Variants in LYPD6B observed in about 807,000 individuals in gnomAD.
The protein encoded by LYPD6B is ly6/PLAUR domain-containing protein 6B.
Under a neutral mutation model 22.8 loss-of-function variants are expected in LYPD6B, and 17 were observed. The ratio of observed to expected loss-of-function variants is 0.75; its 90% CI spans 0.51 to 1.12. The LOEUF is 1.12. Among genes scored for constraint, LYPD6B ranks in the 50% most tolerant of loss-of-function variants. The pLI, the probability that LYPD6B is intolerant of heterozygous loss-of-function variation, is 0.00. For synonymous variants in LYPD6B, 106 were observed against 91.6 expected, an observed-to-expected ratio of 1.16 and a Z score of -0.90; for missense variants, 221 against 258.3, an observed-to-expected ratio of 0.86 and a Z score of 0.99.
rs146178795 is a variant in LYPD6B, at chr2:149,092,666, C to A, written c.-66-38217C>A. On this transcript the variant is annotated intron_variant, in intron 1 of 6. Coordinates refer to ENST00000409642, the MANE Select transcript of LYPD6B (RefSeq NM_177964.5). Reference sequence around the variant, plus strand: ...AAGTGGATGTGGCACATGCACCTGACACAAAGCCTCCTTAAAGAGAGAAAA... The same window carrying A: ...AAGTGGATGTGGCACATGCACCTGAAACAAAGCCTCCTTAAAGAGAGAAAA... Among the ~76,000 whole-genome samples the A allele has an allele frequency of 3.6e-3, 553 of 152,308 alleles. 2 individuals are homozygous for A. The highest frequency in any genetic ancestry group is 0.01 in the African/African-American group (419 of 41,580).
intron 3 of LYPD6B, among the ~76,000 whole-genome samples, chr2:149,171,571 G>C (rs1008029489): frequency 1.4e-5 from 2 of 146,980 alleles, no homozygotes; most frequent in African/African-American, 5.0e-5. Flanking sequence ...TTTTCTTGTT[G>C]TTACTTTATA....
chr2:149,046,881 T>A (rs1393818041), intron 1 of LYPD6B, among the ~76,000 whole-genome samples: 9 of 152,218 alleles, frequency 5.9e-5, no homozygotes, highest in Non-Finnish European at 1.5e-5. Context: ...CAACAAACTT[T>A]TTCTGTAAAA....
intron 3 of LYPD6B, among the ~76,000 whole-genome samples, chr2:149,195,368 A>G (rs1215400387): frequency 6.6e-6 from 1 of 152,234 alleles, no homozygotes; most frequent in Non-Finnish European, 1.5e-5. Context: ...CAGAATGGGA[A>G]GTATGACACA....
chr2:149,148,441 C>G (rs406523), intron 2 of LYPD6B, among the ~76,000 whole-genome samples: 98,821 of 152,044 alleles, frequency 0.65, 32,286 homozygotes, highest in South Asian at 0.76. Flanking sequence ...CTTAGAAGAT[C>G]ATAAAATGCT....
At chr2:149,123,752 C>T (rs1435001670) in intron 1 of LYPD6B, among the ~76,000 whole-genome samples, 2 of 152,066 alleles carry the variant, frequency 1.3e-5, no homozygotes, top group African/African-American at 2.4e-5. Flanking sequence ...GCTACTCACT[C>T]GGGAGGCTGA....
intron 1 of LYPD6B, among the ~76,000 whole-genome samples, chr2:149,069,722 C>T (rs548282021): frequency 6.6e-6 from 1 of 152,246 alleles, no homozygotes; most frequent in South Asian, 2.1e-4. Flanking sequence ...TTTTAGCCAG[C>T]ATGACATCTT....
chr2:149,120,630 G>T (rs1405596580), intron 1 of LYPD6B, among the ~76,000 whole-genome samples: 4 of 149,560 alleles, frequency 2.7e-5, no homozygotes, highest in Middle Eastern at 3.5e-3. Context: ...TGATCCGCCC[G>T]CCTCAGCCTC....
At position 149,213,043 on chromosome 2, in the gene LYPD6B, C is replaced by T; in HGVS notation, c.380C>T (p.Thr127Ile). ...CACTTCACCAGCCACGGAAGAAGCA[C>T]ATCCATCACCAAAAAGTGTGCCTCC... Reference protein sequence around the residue: ...VHHFTSHGRSTSITKKCASRS... With the variant: ...VHHFTSHGRSISITKKCASRS... The change falls in exon 6 of 7, where the codon ACA (threonine) becomes ATA (isoleucine). Residue 127 changes from threonine to isoleucine, a missense_variant. By Grantham distance (89) the Thr-to-Ile change is moderately conservative. Coordinates refer to ENST00000409642, the MANE Select transcript of LYPD6B (RefSeq NM_177964.5). 5 of 1,613,976 alleles carry T rather than the reference C, an allele frequency of 3.1e-6. No individual in the cohort carries two copies. In the South Asian group the frequency reaches 5.5e-5, roughly 18 times the overall value.
chr2:149,081,055 A>G (rs1685112833), intron 1 of LYPD6B, among the ~76,000 whole-genome samples: 2 of 152,178 alleles, frequency 1.3e-5, no homozygotes, highest in Non-Finnish European at 2.9e-5. Context: ...TACTGTGGAA[A>G]GGTGACTGGA....
At chr2:149,096,925 G>C (rs1163003183) in intron 1 of LYPD6B, among the ~76,000 whole-genome samples, 2 of 152,182 alleles carry the variant, frequency 1.3e-5, no homozygotes, top group Admixed American at 1.3e-4. Flanking sequence ...TAAAACTCCA[G>C]TTGTTTTTAT....
rs1356138681 is a variant in LYPD6B at position 149,143,976 on chromosome 2, C to T, written c.5+13023C>T. The T allele has an allele frequency of 3.3e-5, 5 of 152,332 alleles. No individual in the cohort carries two copies. In the East Asian group the frequency reaches 9.6e-4, roughly 29 times the overall value. 9.4% of individuals were successfully genotyped at this position (152,332 alleles called of 1,614,324 possible). The stretch of plus-strand genomic sequence containing the variant: ...AATTGGGTAAGTGTGGTCAGCAAGT[C>T]CTGAGAGATGAGATGAGATCAGTTC... On this transcript the variant is annotated intron_variant, in intron 2 of 6. Coordinates refer to ENST00000409642, the MANE Select transcript of LYPD6B (RefSeq NM_177964.5).
chr2:149,173,041 C>T (rs1690960572), intron 3 of LYPD6B, among the ~76,000 whole-genome samples: 3 of 151,648 alleles, frequency 2.0e-5, no homozygotes. Context: ...TATATATTCA[C>T]ATATTTATAT....
At chr2:149,172,241 T>C (rs1690887345) in intron 3 of LYPD6B, among the ~76,000 whole-genome samples, 1 of 152,156 alleles carries the variant, frequency 6.6e-6, no homozygotes, top group African/African-American at 2.4e-5. Context: ...ATCACAAGAA[T>C]AGCAGCATGG....
Position 149,208,382 on chromosome 2 carries a change from C to A in LYPD6B, c.298C>A (p.Arg100=). 1 of 1,613,522 alleles carries A rather than the reference C, an allele frequency of 6.2e-7. No homozygotes were observed. Among genetic ancestry groups the A allele is most frequent in the Non-Finnish European group, 8.5e-7 (1 of 1,179,562 alleles). ...ENAGDNYNCN[R]WAEDKWCPQN... is the part of the protein sequence containing the mutation. Reference sequence around the variant, plus strand: ...CGCAGGGGATAATTATAACTGCAATCGATGGGCAGAAGACAAATGGTGTCC... The same window carrying A: ...CGCAGGGGATAATTATAACTGCAATAGATGGGCAGAAGACAAATGGTGTCC... The change falls in exon 5 of 7, where the codon CGA becomes AGA. Residue 100 remains arginine, a synonymous_variant. Coordinates refer to ENST00000409642, the MANE Select transcript of LYPD6B (RefSeq NM_177964.5).
intron 1 of LYPD6B, among the ~76,000 whole-genome samples, chr2:149,079,554 A>T (rs1211161297): frequency 6.6e-6 from 1 of 152,190 alleles, no homozygotes; most frequent in East Asian, 1.9e-4. Context: ...AGTGATTCCG[A>T]ACTACCAGCC....
intron 1 of LYPD6B, among the ~76,000 whole-genome samples, chr2:149,063,028 T>C (rs1684164389): frequency 6.6e-6 from 1 of 152,020 alleles, no homozygotes; most frequent in Admixed American, 6.6e-5. Flanking sequence ...CTCTCTCTCT[T>C]CCTTCCTTCC....
chr2:149,198,052 C>CT (rs1692929922), intron 3 of LYPD6B, among the ~76,000 whole-genome samples: 1 of 125,180 alleles, frequency 8.0e-6, no homozygotes, highest in East Asian at 2.3e-4. Flanking sequence ...TTTTTCTTTT[C>CT]TTTTTTGTGA....
chr2:149,190,694 A>AT (rs1692431906), intron 3 of LYPD6B, among the ~76,000 whole-genome samples: 2 of 152,126 alleles, frequency 1.3e-5, no homozygotes, highest in African/African-American at 4.8e-5. Context: ...CATTTGGTGG[A>AT]TTTTTCTATG....
intron 3 of LYPD6B, chr2:149,187,349 A>G (rs982371544): frequency 2.9e-6 from 4 of 1,382,824 alleles, no homozygotes; most frequent in Non-Finnish European, 3.8e-6. Flanking sequence ...TTTATGCCCA[A>G]ATGGCTATCA....
Sources: gnomAD v4.1 joint callset for allele counts (sites outside exome capture counted in the v4.1 genomes callset) on GRCh38, gnomAD v4.1.1 for gene constraint, MANE v1.5 for transcripts, NCBI Gene and HGNC (gene_info 2026-07-23, HGNC 2026-07-21) for gene names.